POLN: variants seen among roughly 807,000 people sequenced by gnomAD.
POLN encodes DNA polymerase N.
In POLN, 108 loss-of-function variants were observed where a neutral mutation model predicts 113.5. That is an observed-to-expected ratio of 0.95 (90% CI 0.81 to 1.12). The LOEUF is 1.12. Ranked by LOEUF, POLN falls within the 50% of genes most tolerant of loss-of-function variation. The pLI, the probability that POLN is intolerant of heterozygous loss-of-function variation, is 0.00. For missense variants in POLN, 1,097 were observed against 1,077.1 expected (o/e 1.02, Z -0.26); for synonymous variants, 386 against 391.5 (o/e 0.99, Z 0.17).
intron 16 of POLN, among the ~76,000 whole-genome samples, chr4:2,136,764 G>A (rs1344719846): frequency 4.6e-5 from 7 of 152,220 alleles, no homozygotes. Context: ...CTGTCTACCT[G>A]ACTGAAGCTC....
rs115919113 is a variant in POLN, at chr4:2,086,006, C to T, written c.2066-262G>A. Among the ~76,000 whole-genome samples, 1,095 of 152,304 alleles carry T rather than the reference C, an allele frequency of 7.2e-3. 15 individuals carry two copies. Among genetic ancestry groups the T allele is most frequent in the African/African-American group, 0.024 (1,011 of 41,548 alleles). ...GGTGATGAAGTAGACATGGTCCCTC[C>T]TCCCAGTGCGGCCAGTGGGAGATCC... On this transcript the variant is annotated intron_variant, in intron 20 of 25. Coordinates refer to ENST00000511885, the MANE Select transcript of POLN (RefSeq NM_181808.4).
chr4:2,142,661 AAAAACAACAAC>A (rs1171045126), intron 16 of POLN, among the ~76,000 whole-genome samples: 1 of 152,206 alleles, frequency 6.6e-6, no homozygotes, highest in African/African-American at 2.4e-5. Context: ...AACCACAGAC[AAAAACAACAAC>A]AAAACAAAAC....
chr4:2,095,311 C>T (rs943781031), intron 20 of POLN, among the ~76,000 whole-genome samples: 1 of 152,314 alleles, frequency 6.6e-6, no homozygotes, highest in East Asian at 1.9e-4. Context: ...CCTTCCTGGC[C>T]TAGCCCCGCT....
chr4:2,178,788 T>A (rs73199289), intron 8 of POLN, among the ~76,000 whole-genome samples: 12,935 of 152,130 alleles, frequency 0.085, 843 homozygotes, highest in African/African-American at 0.17. Context: ...ATTTTTATAT[T>A]TTTAGTAGAG....
intron 16 of POLN, 156 bp downstream of exon 16, chr4:2,156,632 C>A: frequency 1.4e-6 from 1 of 691,856 alleles, no homozygotes; most frequent in Non-Finnish European, 2.6e-6. Flanking sequence ...TGTTCTCCTG[C>A]TATGTTCTCA....
intron 3 of POLN, among the ~76,000 whole-genome samples, chr4:2,214,975 A>T (rs537956788): frequency 6.6e-6 from 1 of 152,150 alleles, no homozygotes; most frequent in South Asian, 2.1e-4. Flanking sequence ...CTCTTGCCTT[A>T]ACAAAAACAG....
chr4:2,110,962 C>T (rs1731178555), intron 19 of POLN, among the ~76,000 whole-genome samples: 1 of 152,214 alleles, frequency 6.6e-6, no homozygotes, highest in African/African-American at 2.4e-5. Context: ...GACCAATATC[C>T]TTGATGAACA....
chr4:2,160,864 T>C (rs1732564015), intron 13 of POLN, among the ~76,000 whole-genome samples: 1 of 152,208 alleles, frequency 6.6e-6, no homozygotes, highest in Admixed American at 6.5e-5. Context: ...CTTGTTATAT[T>C]TTCTCCAATC....
At chr4:2,225,133 CAT>C (rs1734351262) in intron 3 of POLN, among the ~76,000 whole-genome samples, 1 of 151,454 alleles carries the variant, frequency 6.6e-6, no homozygotes, top group South Asian at 2.1e-4. Flanking sequence ...AAATTATAAT[CAT>C]AGAAAAAAAT....
chr4:2,193,360 G>A, intron 6 of POLN, 44 bp from the exon 7 acceptor site: 4 of 1,391,682 alleles, frequency 2.9e-6, no homozygotes, highest in Non-Finnish European at 4.0e-6. Flanking sequence ...ATTAATTTGG[G>A]ATTTTCGACC....
chr4:2,205,765 C>G (rs1409261004), intron 5 of POLN, among the ~76,000 whole-genome samples: 2 of 151,602 alleles, frequency 1.3e-5, no homozygotes, highest in African/African-American at 4.9e-5. Context: ...GTCCCAGCTA[C>G]TTGGGAGGCT....
At chr4:2,137,661 C>T (rs917095860) in intron 16 of POLN, among the ~76,000 whole-genome samples, 2 of 152,158 alleles carry the variant, frequency 1.3e-5, no homozygotes, top group African/African-American at 4.8e-5. Flanking sequence ...TGCTCAGCTG[C>T]CCCCTCCCCA....
intron 6 of POLN, among the ~76,000 whole-genome samples, chr4:2,197,805 C>G (rs563458953): frequency 1.3e-5 from 2 of 152,326 alleles, no homozygotes; most frequent in South Asian, 4.1e-4. Flanking sequence ...TAACGGGGCC[C>G]AACTTCCTCC....
intron 2 of POLN, among the ~76,000 whole-genome samples, chr4:2,239,488 G>C (rs564147790): frequency 6.6e-6 from 1 of 152,296 alleles, no homozygotes; most frequent in African/African-American, 2.4e-5. Context: ...ACTTGGTGCT[G>C]ATATTCTGAT....
At chr4:2,115,314 T>C (rs995080676) in intron 19 of POLN, among the ~76,000 whole-genome samples, 21 of 151,428 alleles carry the variant, frequency 1.4e-4, no homozygotes, top group Admixed American at 4.0e-4. Flanking sequence ...GTGATCTGCC[T>C]GCCTCAGCCT....
chr4:2,124,755 C>T, intron 19 of POLN, among the ~76,000 whole-genome samples: 1 of 152,188 alleles, frequency 6.6e-6, no homozygotes, highest in East Asian at 1.9e-4. Context: ...CCTGTGGAGG[C>T]TTTGACTTGT....
chr4:2,096,344 GAAC>G (rs1730789613), intron 19 of POLN, among the ~76,000 whole-genome samples: 1 of 152,184 alleles, frequency 6.6e-6, no homozygotes, highest in Non-Finnish European at 1.5e-5. Flanking sequence ...TTGACTGGAT[GAAC>G]AACTCTGTCC....
intron 2 of POLN, among the ~76,000 whole-genome samples, chr4:2,235,249 AT>A (rs1209869077): frequency 3.3e-5 from 5 of 152,260 alleles, no homozygotes; most frequent in Non-Finnish European, 7.3e-5. Flanking sequence ...CGCAGTGGAA[AT>A]TTTTACACAA....
At chr4:2,159,296 A>G (rs1732519232) in intron 13 of POLN, 85 bp from the exon 14 acceptor site, 10 of 1,137,858 alleles carry the variant, frequency 8.8e-6, no homozygotes, top group Non-Finnish European at 1.3e-5. Context: ...AAGTCCTCAT[A>G]ATAAATGGTC....
Sources: allele counts gnomAD v4.1 joint callset (sites outside exome capture counted in the v4.1 genomes callset), GRCh38; gene constraint gnomAD v4.1.1; transcripts MANE v1.5; gene names NCBI Gene and HGNC (gene_info 2026-07-23, HGNC 2026-07-21).